The following EVA1C variants were observed in gnomAD, a reference collection of about 807,000 sequenced individuals.
EVA1C encodes the protein protein eva-1 homolog C.
In EVA1C, 25 loss-of-function variants were observed where a neutral mutation model predicts 45.4. The observed-to-expected ratio is 0.55, with a 90% CI of 0.40 to 0.77. The LOEUF is 0.77. EVA1C is among the 30% of genes least tolerant of loss of function. The pLI is 0.00. For missense variants in EVA1C, 479 were observed against 554.8 expected, an observed-to-expected ratio of 0.86 and a Z score of 1.37; for synonymous variants, 190 against 221.2, an observed-to-expected ratio of 0.86 and a Z score of 1.25.
intron 1 of EVA1C, among the ~76,000 whole-genome samples, chr21:32,436,733 T>C (rs2034967217): frequency 6.6e-6 from 1 of 152,282 alleles, no homozygotes; most frequent in East Asian, 1.9e-4. Context: ...TCCCATGCAC[T>C]GCGGACCCCC....
chr21:32,460,022 C>T (rs927850495), intron 3 of EVA1C, among the ~76,000 whole-genome samples: 4 of 152,068 alleles, frequency 2.6e-5, no homozygotes, highest in African/African-American at 9.7e-5. Context: ...TAAAATTGAC[C>T]GAACCTCGGA....
At chr21:32,514,697 TG>T in intron 7 of EVA1C, 116 bp from the exon 8 acceptor site, 1 of 1,201,018 alleles carries the variant, frequency 8.3e-7, no homozygotes, top group Non-Finnish European at 1.1e-6. Flanking sequence ...TCAAAGATGC[TG>T]GACTGGCATT....
chr21:32,434,221 G>A (rs1289389616), intron 1 of EVA1C, among the ~76,000 whole-genome samples: 1 of 151,992 alleles, frequency 6.6e-6, no homozygotes, highest in Admixed American at 6.5e-5. Flanking sequence ...GCTTGAACCC[G>A]GGAGGCGGAA....
chr21:32,484,870 T>C (rs2036918066), intron 4 of EVA1C, among the ~76,000 whole-genome samples: 1 of 151,980 alleles, frequency 6.6e-6, no homozygotes, highest in African/African-American at 2.4e-5. Flanking sequence ...GCCATCTCCA[T>C]AGCCATTACG....
intron 4 of EVA1C, 74 bp downstream of exon 4, chr21:32,467,922 C>A (rs2036236214): frequency 8.7e-6 from 6 of 692,698 alleles, no homozygotes; most frequent in Non-Finnish European, 1.2e-5. Context: ...ATATATATAT[C>A]CTATATATAT....
At chr21:32,450,506 CCACAGTCCGGGAA>C (rs1251176646) in intron 1 of EVA1C, among the ~76,000 whole-genome samples, 1 of 4,786 alleles carries the variant, frequency 2.1e-4, no homozygotes, top group Non-Finnish European at 3.4e-4. Flanking sequence ...ATTCCCCGGA[CCACAGTCCGGGAA>C]TGCTGGGGTG....
chr21:32,419,533 G>T (rs1055735599), intron 1 of EVA1C, among the ~76,000 whole-genome samples: 1 of 152,100 alleles, frequency 6.6e-6, no homozygotes, highest in African/African-American at 2.4e-5. Flanking sequence ...TGGCCAAAAT[G>T]GTGAAACCCC....
intron 3 of EVA1C, among the ~76,000 whole-genome samples, chr21:32,466,582 C>G (rs2036183610): frequency 6.6e-6 from 1 of 151,922 alleles, no homozygotes. Context: ...CTATGATAAG[C>G]AGATTAAACA....
At chr21:32,456,886 A>G (rs1270018097) in intron 2 of EVA1C, among the ~76,000 whole-genome samples, 1 of 150,800 alleles carries the variant, frequency 6.6e-6, no homozygotes, top group Admixed American at 6.6e-5. Context: ...CTTAAAAACG[A>G]AGGAGCTGTC....
intron 1 of EVA1C, among the ~76,000 whole-genome samples, chr21:32,425,584 G>A (rs938444575): frequency 1.3e-5 from 2 of 152,072 alleles, no homozygotes; most frequent in Non-Finnish European, 2.9e-5. Flanking sequence ...TCTCTCCCTG[G>A]CTATTCAAGT....
Position 32,514,975 on chromosome 21 carries a change from G to A in EVA1C, c.1111G>A (p.Asp371Asn), listed in dbSNP as rs1207360789. Residue 371 changes from aspartate (D) to asparagine (N), a missense_variant, in exon 8 of 8, where the codon GAC becomes AAC. By Grantham distance (23) the Asp-to-Asn change is conservative (BLOSUM62 1). Coordinates refer to ENST00000300255, the MANE Select transcript of EVA1C (RefSeq NM_058187.5). ...GCCAGGAAGTGACAAGGTCGAGGAG[G>A]ACAGCGAGGATGAAGAAGAGGAGGA... The part of the protein sequence containing the change: ...LVPGSDKVEE[D>N]SEDEEEEEDP... 6.2e-7 allele frequency: 1 copy of A among 1,614,154 alleles called. No individual in the cohort carries two copies.
Position 32,495,316 on chromosome 21 carries a change from C to A in EVA1C, c.778+146C>A, listed in dbSNP as rs1317581821. 1.7e-4 allele frequency: 121 copies of A among 713,184 alleles called. No homozygotes were observed. In the East Asian group the frequency reaches 3.4e-3, roughly 20 times the overall value. The allele number at this position is 713,184 out of a possible 1,614,324, so 44.2% of individuals were successfully genotyped here. ...TTGGTCATCCCAGATACCCGAGAGC[C>A]CTTTTTTTCTTTCTTATTCTTGTTT... On this transcript the variant is annotated intron_variant, in intron 5 of 7. Coordinates refer to ENST00000300255, the MANE Select transcript of EVA1C (RefSeq NM_058187.5).
At chr21:32,438,527 G>A (rs1209319417) in intron 1 of EVA1C, among the ~76,000 whole-genome samples, 3 of 145,522 alleles carry the variant, frequency 2.1e-5, no homozygotes, top group Admixed American at 6.9e-5. Context: ...ACCAAGAAAA[G>A]GGCATTCATT....
intron 4 of EVA1C, among the ~76,000 whole-genome samples, chr21:32,489,109 G>T (rs1347466250): frequency 6.6e-6 from 1 of 152,196 alleles, no homozygotes; most frequent in Non-Finnish European, 1.5e-5. Flanking sequence ...TTTTTAGCTT[G>T]ATGTGGTCCC....
rs554070722 is a variant in EVA1C at position 32,430,207 on chromosome 21, T to A, written c.160+17194T>A. ...GAGGTGCCTCAGTTTACATGGGAGCTTGGCCTCTCCAGCTTGCCTTCTTAC... is the reference window on the plus strand; with the variant it reads ...GAGGTGCCTCAGTTTACATGGGAGCATGGCCTCTCCAGCTTGCCTTCTTAC... On this transcript the variant is annotated intron_variant, in intron 1 of 7. Coordinates refer to ENST00000300255, the MANE Select transcript of EVA1C (RefSeq NM_058187.5). 3.3e-5 allele frequency among the ~76,000 whole-genome samples: 5 copies of A among 152,288 alleles called. No individual in the cohort carries two copies. The East Asian group carries it at 7.7e-4, about 24-fold the overall frequency.
chr21:32,415,867 A>G (rs2034018214), intron 1 of EVA1C, among the ~76,000 whole-genome samples: 1 of 152,096 alleles, frequency 6.6e-6, no homozygotes, highest in African/African-American at 2.4e-5. Flanking sequence ...TTAATCTCAT[A>G]CTCAAATGTG....
chr21:32,436,645 G>A (rs143178163), intron 1 of EVA1C, among the ~76,000 whole-genome samples: 539 of 152,372 alleles, frequency 3.5e-3, no homozygotes, highest in African/African-American at 0.012. Flanking sequence ...GCAACCTCTT[G>A]GTGCTGTCAG....
At chr21:32,480,999 G>A (rs904227089) in intron 4 of EVA1C, among the ~76,000 whole-genome samples, 10 of 152,086 alleles carry the variant, frequency 6.6e-5, no homozygotes, top group Non-Finnish European at 4.4e-5. Flanking sequence ...ATAAAATTAT[G>A]TATGATTCCA....
chr21:32,456,143 C>T (rs888370943), intron 2 of EVA1C, among the ~76,000 whole-genome samples: 4 of 152,156 alleles, frequency 2.6e-5, no homozygotes, highest in Non-Finnish European at 5.9e-5. Context: ...CTGCCCGCTT[C>T]GGCCCCCCAA....
Sources: allele counts gnomAD v4.1 joint callset (sites outside exome capture counted in the v4.1 genomes callset), GRCh38; gene constraint gnomAD v4.1.1; transcripts MANE v1.5; gene names NCBI Gene and HGNC (gene_info 2026-07-23, HGNC 2026-07-21).